SEMA3E: variants seen among roughly 807,000 people sequenced by gnomAD.
The protein encoded by SEMA3E is semaphorin 3E, also known as semaphorin-3E.
SEMA3E carries 49 observed loss-of-function variants against 93.6 expected under a neutral mutation model. The ratio of observed to expected loss-of-function variants is 0.52; its 90% CI spans 0.42 to 0.66. SEMA3E has a LOEUF of 0.66. Ranked by LOEUF, SEMA3E falls within the 30% of genes least tolerant of loss-of-function variation. SEMA3E has a pLI of 0.00. For missense variants in SEMA3E, 906 were observed against 964.8 expected (o/e 0.94, Z 0.81); for synonymous variants, 363 against 330.7 (o/e 1.10, Z -1.06).
At chr7:83,561,343 A>C (rs555744251) in intron 1 of SEMA3E, among the ~76,000 whole-genome samples, 1 of 152,124 alleles carries the variant, frequency 6.6e-6, no homozygotes, top group African/African-American at 2.4e-5. Flanking sequence ...GTGCGATAAA[A>C]TGTTTCCCAT....
At chr7:83,613,950 A>C (rs1438861496) in intron 1 of SEMA3E, among the ~76,000 whole-genome samples, 2 of 152,146 alleles carry the variant, frequency 1.3e-5, no homozygotes, top group African/African-American at 4.8e-5. Flanking sequence ...ATATTCATAC[A>C]TAAAAGCAGG....
chr7:83,411,811 A>G lies in SEMA3E; in HGVS notation c.551-3324T>C, dbSNP rs549226355. ...GGATTAAAATAGGAAAACATTTTAT[A>G]AAAAGATTAAAATACCTTTTAGGGC... is the stretch of plus-strand genomic sequence containing the variant. On this transcript the variant is annotated intron_variant, in intron 5 of 16. Coordinates refer to ENST00000643230, the MANE Select transcript of SEMA3E (RefSeq NM_012431.3). Among the ~76,000 whole-genome samples the G allele has an allele frequency of 2.3e-4, 35 of 152,318 alleles. No individual in the cohort carries two copies. The South Asian group carries it at 2.9e-3, about 13-fold the overall frequency.
chr7:83,604,518 ATACATATATATGTATATATATATATG>A (rs1214410575), intron 1 of SEMA3E, among the ~76,000 whole-genome samples: 2 of 135,610 alleles, frequency 1.5e-5, no homozygotes, highest in African/African-American at 5.8e-5. Flanking sequence ...GTACATATAT[ATACATATATATGTATATATATATATG>A]TACATACACA....
At chr7:83,447,817 G>A (rs947623918) in intron 4 of SEMA3E, among the ~76,000 whole-genome samples, 13 of 152,144 alleles carry the variant, frequency 8.5e-5, no homozygotes, top group African/African-American at 3.1e-4. Context: ...TTTTCCAACA[G>A]TAGGATAACA....
intron 1 of SEMA3E, among the ~76,000 whole-genome samples, chr7:83,493,043 T>G (rs1269359088): frequency 6.6e-6 from 1 of 151,994 alleles, no homozygotes; most frequent in African/African-American, 2.4e-5. Flanking sequence ...TTAGACTGGA[T>G]TCTTCACCTG....
At chr7:83,395,828 T>C (rs1280396689) in intron 12 of SEMA3E, among the ~76,000 whole-genome samples, 1 of 152,148 alleles carries the variant, frequency 6.6e-6, no homozygotes, top group Non-Finnish European at 1.5e-5. Flanking sequence ...GTGAGTTCGA[T>C]GTTAGTTCAT....
chr7:83,495,335 A>G (rs1790469325), intron 1 of SEMA3E, among the ~76,000 whole-genome samples: 1 of 151,914 alleles, frequency 6.6e-6, no homozygotes, highest in Non-Finnish European at 1.5e-5. Flanking sequence ...ATGACTGGAT[A>G]ATAAATTTCA....
intron 1 of SEMA3E, among the ~76,000 whole-genome samples, chr7:83,611,481 G>A (rs1373542493): frequency 1.3e-5 from 2 of 148,586 alleles, no homozygotes; most frequent in Admixed American, 6.9e-5. Context: ...TTGACCTTAG[G>A]TCCTCATCTA....
chr7:83,401,596 G>C (rs1189810987), intron 10 of SEMA3E, among the ~76,000 whole-genome samples: 1 of 152,062 alleles, frequency 6.6e-6, no homozygotes, highest in African/African-American at 2.4e-5. Context: ...TCAATCAATA[G>C]AGTGAAATAA....
chr7:83,556,279 G>T (rs1361927079), intron 1 of SEMA3E, among the ~76,000 whole-genome samples: 2 of 152,014 alleles, frequency 1.3e-5, no homozygotes, highest in African/African-American at 4.8e-5. Context: ...TGCTTTCCAG[G>T]TTGCCAACGA....
intron 1 of SEMA3E, among the ~76,000 whole-genome samples, chr7:83,571,815 A>G (rs773589619): frequency 6.6e-6 from 1 of 152,218 alleles, no homozygotes; most frequent in Non-Finnish European, 1.5e-5. Flanking sequence ...GAATCTTTAC[A>G]TAGAAAACCC....
chr7:83,368,178 A>C, intron 16 of SEMA3E, 140 bp from the exon 17 acceptor site: 1 of 703,346 alleles, frequency 1.4e-6, no homozygotes, highest in Non-Finnish European at 2.5e-6. Flanking sequence ...ATACACAAAA[A>C]TGCTAAATAA....
intron 14 of SEMA3E, among the ~76,000 whole-genome samples, chr7:83,389,684 T>G (rs958114099): frequency 3.3e-5 from 5 of 150,752 alleles, no homozygotes; most frequent in African/African-American, 9.7e-5. Flanking sequence ...CACGTATATA[T>G]TACATGTATA....
chr7:83,607,198 G>T (rs1178058587), intron 1 of SEMA3E, among the ~76,000 whole-genome samples: 1 of 152,188 alleles, frequency 6.6e-6, no homozygotes, highest in African/African-American at 2.4e-5. Context: ...AAAAAGTACA[G>T]ATTCAACCAG....
chr7:83,612,466 G>A (rs774148506), intron 1 of SEMA3E: 1 of 152,054 alleles, frequency 6.6e-6, no homozygotes, highest in East Asian at 1.9e-4. Context: ...GGAAAAAATA[G>A]GTATATCTTA....
intron 1 of SEMA3E, among the ~76,000 whole-genome samples, chr7:83,525,717 A>G (rs990920529): frequency 6.7e-6 from 1 of 148,688 alleles, no homozygotes; most frequent in African/African-American, 2.5e-5. Context: ...TCTGATCTTT[A>G]TGAAGATCTT....
At chr7:83,561,871 G>C (rs1792036366) in intron 1 of SEMA3E, among the ~76,000 whole-genome samples, 1 of 152,098 alleles carries the variant, frequency 6.6e-6, no homozygotes, top group Admixed American at 6.6e-5. Context: ...GAGTGTGAAA[G>C]TATACTACAT....
At chr7:83,418,048 C>T (rs1446143866) in intron 5 of SEMA3E, among the ~76,000 whole-genome samples, 2 of 152,056 alleles carry the variant, frequency 1.3e-5, no homozygotes, top group South Asian at 2.1e-4. Flanking sequence ...GAAGAATTAA[C>T]ACATATATTA....
intron 4 of SEMA3E, among the ~76,000 whole-genome samples, chr7:83,448,204 T>C (rs537406558): frequency 6.6e-6 from 1 of 152,370 alleles, no homozygotes; most frequent in South Asian, 2.1e-4. Flanking sequence ...CCATATCATG[T>C]CCATGAATTA....
Sources: allele counts gnomAD v4.1 joint callset (sites outside exome capture counted in the v4.1 genomes callset), GRCh38; gene constraint gnomAD v4.1.1; transcripts MANE v1.5; gene names NCBI Gene and HGNC (gene_info 2026-07-23, HGNC 2026-07-21).